Variants in EDIL3 observed in about 807,000 individuals in gnomAD.
EDIL3 encodes the protein EGF-like repeat and discoidin I-like domain-containing protein 3.
In EDIL3, 37 loss-of-function variants were observed where a neutral mutation model predicts 67.4. The observed-to-expected ratio is 0.55, with a 90% CI of 0.42 to 0.72. The LOEUF is 0.72. EDIL3 is among the 30% of genes least tolerant of loss of function. The probability of loss-of-function intolerance (pLI) is 0.00; values close to 1 mark genes in which losing one functional copy is unlikely to be tolerated. For missense variants in EDIL3, 527 were observed against 586.3 expected (o/e 0.90, Z 1.04); for synonymous variants, 195 against 196.3 (o/e 0.99, Z 0.05).
At chr5:84,205,906 A>G (rs4513672) in intron 3 of EDIL3, among the ~76,000 whole-genome samples, 18,125 of 148,510 alleles carry the variant, frequency 0.12, 1,210 homozygotes, top group Non-Finnish European at 0.15. Context: ...TTGTGTCTCT[A>G]TTTCCTTCAG....
intron 9 of EDIL3, among the ~76,000 whole-genome samples, chr5:84,024,739 G>A (rs1010450632): frequency 1.6e-4 from 24 of 151,858 alleles, no homozygotes; most frequent in Admixed American, 7.9e-4. Flanking sequence ...ATCAAAATAC[G>A]GTAGCTCTAG....
At chr5:84,281,199 C>T (rs1390942876) in intron 1 of EDIL3, among the ~76,000 whole-genome samples, 1 of 152,060 alleles carries the variant, frequency 6.6e-6, no homozygotes, top group Non-Finnish European at 1.5e-5. Context: ...AATTCTATTT[C>T]TTACCTTTAC....
intron 9 of EDIL3, among the ~76,000 whole-genome samples, chr5:84,057,371 T>G (rs973503288): frequency 3.3e-5 from 5 of 149,488 alleles, no homozygotes; most frequent in African/African-American, 1.2e-4. Flanking sequence ...GTTTCTAGAG[T>G]CTACCAACCT....
intron 1 of EDIL3, among the ~76,000 whole-genome samples, chr5:84,369,509 A>G (rs1351628031): frequency 6.6e-6 from 1 of 152,146 alleles, no homozygotes; most frequent in Admixed American, 6.6e-5. Flanking sequence ...TTCCATTTAC[A>G]TGAGGTACTT....
At chr5:84,151,408 C>A (rs1748387529) in intron 4 of EDIL3, among the ~76,000 whole-genome samples, 1 of 151,944 alleles carries the variant, frequency 6.6e-6, no homozygotes, top group African/African-American at 2.4e-5. Flanking sequence ...AATGTGAGAA[C>A]CATGCAGTCC....
At chr5:84,350,824 G>A (rs542571054) in intron 1 of EDIL3, among the ~76,000 whole-genome samples, 10 of 152,100 alleles carry the variant, frequency 6.6e-5, no homozygotes, top group African/African-American at 2.4e-4. Flanking sequence ...TTAAAAACAG[G>A]AAGAGTGACA....
At chr5:84,072,453 C>A (rs1746756497) in intron 6 of EDIL3, among the ~76,000 whole-genome samples, 1 of 151,982 alleles carries the variant, frequency 6.6e-6, no homozygotes, top group Non-Finnish European at 1.5e-5. Flanking sequence ...TTGGACTACA[C>A]AATATTAGCA....
At chr5:84,014,625 CAG>C (rs1302739030) in intron 9 of EDIL3, among the ~76,000 whole-genome samples, 3 of 152,076 alleles carry the variant, frequency 2.0e-5, no homozygotes, top group Non-Finnish European at 4.4e-5. Context: ...AGCCTGGAGA[CAG>C]AGCGAGACTC....
chr5:84,131,173 G>A (rs1747959890), intron 5 of EDIL3, among the ~76,000 whole-genome samples: 1 of 151,842 alleles, frequency 6.6e-6, no homozygotes, highest in African/African-American at 2.4e-5. Context: ...AACAGTTATT[G>A]ACCTAGGTGT....
intron 3 of EDIL3, among the ~76,000 whole-genome samples, chr5:84,211,113 T>C (rs1413590208): frequency 6.6e-6 from 1 of 152,210 alleles, no homozygotes; most frequent in Admixed American, 6.5e-5. Context: ...ATGGTTTAGA[T>C]ATGGTTTATT....
At chr5:84,110,978 G>T (rs1320744778) in intron 5 of EDIL3, among the ~76,000 whole-genome samples, 1 of 152,072 alleles carries the variant, frequency 6.6e-6, no homozygotes, top group East Asian at 1.9e-4. Context: ...CCTAGTCTTG[G>T]GGGAGGGACC....
chr5:83,978,383 A>G (rs961301239), intron 9 of EDIL3, among the ~76,000 whole-genome samples: 2 of 151,992 alleles, frequency 1.3e-5, no homozygotes, highest in Non-Finnish European at 2.9e-5. Flanking sequence ...GATATAACAT[A>G]TGTCATAAAT....
chr5:84,362,781 T>C (rs1747637174), intron 1 of EDIL3, among the ~76,000 whole-genome samples: 1 of 152,204 alleles, frequency 6.6e-6, no homozygotes, highest in South Asian at 2.1e-4. Flanking sequence ...GTTTACTATG[T>C]AGCTGTTATC....
intron 9 of EDIL3, among the ~76,000 whole-genome samples, chr5:84,031,852 T>C (rs1561409142): frequency 6.6e-6 from 1 of 152,156 alleles, no homozygotes; most frequent in South Asian, 2.1e-4. Context: ...TAACTTGAAA[T>C]AATACAGAGG....
At chr5:84,343,855 G>A (rs565434457) in intron 1 of EDIL3, among the ~76,000 whole-genome samples, 2 of 152,162 alleles carry the variant, frequency 1.3e-5, no homozygotes, top group African/African-American at 2.4e-5. Context: ...GAGCATGAAT[G>A]TTCAGAAACT....
intron 4 of EDIL3, among the ~76,000 whole-genome samples, chr5:84,163,219 T>C (rs1284674601): frequency 6.6e-6 from 1 of 152,058 alleles, no homozygotes; most frequent in Non-Finnish European, 1.5e-5. Flanking sequence ...TCATTTTAAA[T>C]ATACTCTCTA....
intron 9 of EDIL3, among the ~76,000 whole-genome samples, chr5:83,974,552 A>T (rs895291367): frequency 6.6e-6 from 1 of 152,052 alleles, no homozygotes; most frequent in African/African-American, 2.4e-5. Context: ...AATTATTTCC[A>T]TTCAAATGCA....
At chr5:84,213,909 A>T (rs1188961400) in intron 3 of EDIL3, among the ~76,000 whole-genome samples, 1 of 152,166 alleles carries the variant, frequency 6.6e-6, no homozygotes, top group Non-Finnish European at 1.5e-5. Context: ...GTTATTGCAT[A>T]AAGAAATTGC....
chr5:84,168,307 T>A (rs1357730651), intron 4 of EDIL3, among the ~76,000 whole-genome samples: 1 of 152,176 alleles, frequency 6.6e-6, no homozygotes, highest in Non-Finnish European at 1.5e-5. Flanking sequence ...TGCATTACAC[T>A]ATCATGACAC....
Sources: gnomAD v4.1 joint callset for allele counts (sites outside exome capture counted in the v4.1 genomes callset) on GRCh38, gnomAD v4.1.1 for gene constraint, MANE v1.5 for transcripts, NCBI Gene and HGNC (gene_info 2026-07-23, HGNC 2026-07-21) for gene names.